The following DCLK1 variants were observed in gnomAD, a reference collection of about 807,000 sequenced individuals.
The protein encoded by DCLK1 is serine/threonine-protein kinase DCLK1.
In DCLK1, 16 loss-of-function variants were observed where a neutral mutation model predicts 86.2. The ratio of observed to expected loss-of-function variants is 0.19; its 90% CI spans 0.13 to 0.28. The LOEUF (loss-of-function observed/expected upper bound fraction) is 0.28. DCLK1 is among the 10% of genes least tolerant of loss of function. DCLK1 has a pLI of 1.00. For synonymous variants in DCLK1, 369 were observed against 370.5 expected (o/e 1.00, Z 0.05); for missense variants, 590 against 940.2 (o/e 0.63, Z 4.87).
chr13:35,992,823 C>T (rs1027552611), intron 3 of DCLK1, among the ~76,000 whole-genome samples: 11 of 152,172 alleles, frequency 7.2e-5, no homozygotes, highest in African/African-American at 2.4e-4. Context: ...AAATCCTGAT[C>T]CTTTTTCCTT....
At chr13:35,810,311 C>G (rs1476116845) in intron 12 of DCLK1, among the ~76,000 whole-genome samples, 4 of 152,298 alleles carry the variant, frequency 2.6e-5, no homozygotes, top group Non-Finnish European at 5.9e-5. Context: ...CCACCCTTCT[C>G]CCCACATTCA....
intron 9 of DCLK1, 36 bp from the exon 10 acceptor site, chr13:35,827,790 T>C (rs758367951): frequency 1.1e-5 from 17 of 1,610,298 alleles, no homozygotes; most frequent in Non-Finnish European, 1.4e-5. Context: ...TCAGCTTCCA[T>C]AAAACATGTG....
Position 35,774,607 on chromosome 13 carries a change from T to G in DCLK1, c.2151A>C (p.Glu717Asp). 6.3e-7 allele frequency: 1 copy of G among 1,594,994 alleles called. No homozygotes were observed. The highest frequency in any genetic ancestry group is 1.7e-5 in the Admixed American group (1 of 58,104). The change falls in exon 17 of 17, where the codon GAA becomes GAC. Residue 717 changes from glutamate to aspartate, a missense_variant. Around this residue, in one of 6 missense-constraint regions of DCLK1, gnomAD observed 146 missense variants for 190.2 expected, o/e 0.77. Coordinates refer to ENST00000360631, the MANE Select transcript of DCLK1 (RefSeq NM_001330071.2). Reference sequence around the variant, plus strand: ...AGTAGTCTTCCGATTCCGAGTTGAGTTCGGGAGGAGCTGGCTGCGCCTTGT... The same window carrying G: ...AGTAGTCTTCCGATTCCGAGTTGAGGTCGGGAGGAGCTGGCTGCGCCTTGT... ...SRYKAQPAPP[E>D]LNSESEDYSP...
intron 4 of DCLK1, among the ~76,000 whole-genome samples, chr13:35,913,131 A>G (rs1239925942): frequency 1.3e-5 from 2 of 152,188 alleles, no homozygotes; most frequent in African/African-American, 4.8e-5. Context: ...GTCTTGTACC[A>G]TGCAGCTTGA....
At chr13:35,850,867 A>G in intron 6 of DCLK1, 1 of 1,087,626 alleles carries the variant, frequency 9.2e-7, no homozygotes, top group South Asian at 2.7e-5. Flanking sequence ...GGGCATCCCC[A>G]GTTTCTACTA....
chr13:35,958,260 A>G (rs1406091607), intron 3 of DCLK1, among the ~76,000 whole-genome samples: 9 of 33,898 alleles, frequency 2.7e-4, no homozygotes, highest in East Asian at 1.1e-3. Context: ...CACTACCACT[A>G]CTATAACCAT....
intron 4 of DCLK1, among the ~76,000 whole-genome samples, chr13:35,913,725 C>T (rs1314849215): frequency 6.6e-6 from 1 of 151,858 alleles, no homozygotes; most frequent in Non-Finnish European, 1.5e-5. Flanking sequence ...TTTTTCCCAG[C>T]AAAAAGTCTG....
chr13:36,107,883 G>A (rs1885456900), intron 3 of DCLK1, among the ~76,000 whole-genome samples: 1 of 152,028 alleles, frequency 6.6e-6, no homozygotes, highest in South Asian at 2.1e-4. Flanking sequence ...TAACTGCTTG[G>A]CAGGTTAAGT....
chr13:35,964,698 G>A (rs779349853), intron 3 of DCLK1, among the ~76,000 whole-genome samples: 1 of 151,892 alleles, frequency 6.6e-6, no homozygotes. Flanking sequence ...GACTTCCACG[G>A]GTTCCGTAAA....
intron 3 of DCLK1, among the ~76,000 whole-genome samples, chr13:36,065,697 G>C (rs1039864551): frequency 6.6e-6 from 1 of 150,674 alleles, no homozygotes; most frequent in South Asian, 2.1e-4. Context: ...AGGTCAGCTA[G>C]AGACTAAAGG....
intron 1 of DCLK1, among the ~76,000 whole-genome samples, chr13:36,130,419 A>G (rs914014055): frequency 5.9e-5 from 9 of 152,142 alleles, no homozygotes; most frequent in African/African-American, 2.2e-4. Context: ...TGCCAAATCC[A>G]GGAGCAATTC....
At chr13:35,828,214 A>C in intron 9 of DCLK1, 36 bp downstream of exon 9, 1 of 1,544,594 alleles carries the variant, frequency 6.5e-7, no homozygotes, top group Non-Finnish European at 8.9e-7. Flanking sequence ...GACCTCTTGA[A>C]CACTCTTATC....
intron 5 of DCLK1, among the ~76,000 whole-genome samples, chr13:35,867,963 A>AAGAAAGAAAGAAAGAAAGAGAG (rs796441369): frequency 1.5e-5 from 2 of 135,156 alleles, no homozygotes; most frequent in African/African-American, 5.4e-5. Flanking sequence ...GAAAGAAAGA[A>AAGAAAGAAAGAAAGAAAGAGAG]AGAGAAAAAG....
intron 3 of DCLK1, among the ~76,000 whole-genome samples, chr13:36,047,257 T>C (rs528323604): frequency 1.7e-4 from 26 of 152,312 alleles, no homozygotes; most frequent in African/African-American, 5.8e-4. Context: ...CAGCCATTAA[T>C]AGAAAACAGT....
chr13:35,982,218 G>A (rs976277180), intron 3 of DCLK1, among the ~76,000 whole-genome samples: 3 of 151,860 alleles, frequency 2.0e-5, no homozygotes, highest in African/African-American at 4.8e-5. Context: ...TTTTCACAAA[G>A]GAAAGAGGGA....
At position 35,774,557 on chromosome 13, in the gene DCLK1, C is replaced by G. The variant is rs1040631172; in HGVS notation, c.2201G>C (p.Arg734Pro). Residue 734 changes from arginine (R) to proline (P), a missense_variant, in exon 17 of 17, where the codon CGC becomes CCC. Arg to Pro is a moderately radical substitution (Grantham distance 103). This residue lies in a region of DCLK1 where 146 missense variants were observed against 190.2 expected (regional missense o/e 0.77). Coordinates refer to ENST00000360631, the MANE Select transcript of DCLK1 (RefSeq NM_001330071.2). The part of the protein sequence containing the change: ...DYSPSSSETV[R>P]SPNSPF ...TTATTAAAAGGGCGAGTTAGGGGAG[C>G]GAACAGTCTCGGAGGAGCTTGGGGA... 2.6e-6 allele frequency: 4 copies of G among 1,556,142 alleles called. No homozygotes were observed. The highest frequency in any genetic ancestry group is 2.4e-5 in the East Asian group (1 of 41,202).
At chr13:35,971,224 C>G (rs533516170) in intron 3 of DCLK1, among the ~76,000 whole-genome samples, 64 of 152,032 alleles carry the variant, frequency 4.2e-4, no homozygotes, top group Non-Finnish European at 6.6e-4. Flanking sequence ...TAATTTTTGC[C>G]AATGAAGTAG....
chr13:36,086,892 C>T (rs573900266), intron 3 of DCLK1, among the ~76,000 whole-genome samples: 3 of 152,106 alleles, frequency 2.0e-5, no homozygotes, highest in African/African-American at 7.2e-5. Context: ...TGGGTTGGTT[C>T]CAAGTCTTTG....
chr13:36,030,331 T>A (rs1042376895), intron 3 of DCLK1, among the ~76,000 whole-genome samples: 1 of 152,072 alleles, frequency 6.6e-6, no homozygotes, highest in Non-Finnish European at 1.5e-5. Flanking sequence ...AGTTTTGCTC[T>A]TGTTGCCCAG....
Sources: allele counts gnomAD v4.1 joint callset (sites outside exome capture counted in the v4.1 genomes callset), GRCh38; gene constraint gnomAD v4.1.1; regional missense constraint gnomAD v4.1.1; transcripts MANE v1.5; gene names NCBI Gene and HGNC (gene_info 2026-07-23, HGNC 2026-07-21).